TECR: variants seen among roughly 807,000 people sequenced by gnomAD.
The protein encoded by TECR is very-long-chain enoyl-CoA reductase.
In TECR, 19 loss-of-function variants were observed where a neutral mutation model predicts 50.6. The ratio of observed to expected loss-of-function variants is 0.38; its 90% CI spans 0.26 to 0.55. TECR has a LOEUF of 0.55. Among genes scored for constraint, TECR ranks in the 20% least tolerant of loss-of-function variants. TECR has a pLI of 0.79. For synonymous variants in TECR, 168 were observed against 163.5 expected, an observed-to-expected ratio of 1.03 and a Z score of -0.21; for missense variants, 313 against 408.3, an observed-to-expected ratio of 0.77 and a Z score of 2.01.
chr19:14,550,618 A>G (rs1442460405), intron 1 of TECR, among the ~76,000 whole-genome samples: 1 of 151,968 alleles, frequency 6.6e-6, no homozygotes, highest in African/African-American at 2.4e-5. Flanking sequence ...TGGGGAGTTG[A>G]GTGTTTGGCC....
intron 1 of TECR, 131 bp from the exon 2 acceptor site, chr19:14,562,394 G>A (rs1168538682): frequency 2.2e-6 from 2 of 921,898 alleles, no homozygotes; most frequent in Admixed American, 2.0e-5. Flanking sequence ...GTGGCAGGCG[G>A]CATGGACTTG....
At chr19:14,530,972 C>T (rs1174354783) in intron 1 of TECR, 4 of 152,180 alleles carry the variant, frequency 2.6e-5, no homozygotes, top group Non-Finnish European at 4.4e-5. Flanking sequence ...AGCCACCATT[C>T]TACTCAGCCA....
intron 11 of TECR, 56 bp from the exon 12 acceptor site, chr19:14,565,562 A>G (rs2074054572): frequency 6.3e-7 from 1 of 1,578,600 alleles, no homozygotes; most frequent in African/African-American, 1.3e-5. Context: ...AGTCCAGGAC[A>G]GCCACATACA....
Position 14,563,344 on chromosome 19 carries a change from C to T in TECR, c.118+87C>T. Reference sequence around the variant, plus strand: ...GAGGGATCCCATCCTGCACCCCTCTCCCAGGGGCCTGCAGAGATGCCCCAG... The same window carrying T: ...GAGGGATCCCATCCTGCACCCCTCTTCCAGGGGCCTGCAGAGATGCCCCAG... On this transcript the variant is annotated intron_variant, in intron 3 of 12. Coordinates refer to ENST00000215567, the MANE Select transcript of TECR (RefSeq NM_138501.6). The surrounding 1 kb of genome is among the most constrained non-coding windows in gnomAD (Gnocchi z 5.3). 2.3e-6 allele frequency: 3 copies of T among 1,296,234 alleles called. No individual in the cohort carries two copies. The highest frequency in any genetic ancestry group is 3.3e-6 in the Non-Finnish European group (3 of 897,450). The allele number at this position is 1,296,234 out of a possible 1,614,324, so 80.3% of individuals were successfully genotyped here.
At chr19:14,558,722 C>A (rs1179806829) in intron 1 of TECR, among the ~76,000 whole-genome samples, 14 of 152,192 alleles carry the variant, frequency 9.2e-5, no homozygotes, top group Admixed American at 9.2e-4. Context: ...TAGCCCCCCT[C>A]CCACAGGTAT....
upstream of TECR, chr19:14,529,403 T>A (rs144552831): frequency 1.7e-6 from 1 of 575,844 alleles, no homozygotes; most frequent in African/African-American, 1.9e-5. Flanking sequence ...AAGCCCCTTC[T>A]CTTTAGCCCC....
chr19:14,544,796 C>G (rs35198415), intron 1 of TECR, among the ~76,000 whole-genome samples: 30,530 of 151,870 alleles, frequency 0.2, 3,424 homozygotes, highest in African/African-American at 0.3. Context: ...TCACGCCCGG[C>G]TAATTTGAAA....
chr19:14,562,721 T>A, intron 2 of TECR, 146 bp downstream of exon 2: 1 of 911,786 alleles, frequency 1.1e-6, no homozygotes, highest in Non-Finnish European at 1.8e-6. Context: ...GTAGGGTGGA[T>A]AGCCATGTCC....
chr19:14,535,226 G>A (rs1364441231), intron 1 of TECR, among the ~76,000 whole-genome samples: 3 of 151,668 alleles, frequency 2.0e-5, no homozygotes, highest in Non-Finnish European at 4.4e-5. Flanking sequence ...TATAAAAATT[G>A]GCCGGGTGCA....
At chr19:14,557,261 C>T (rs1336193065) in intron 1 of TECR, among the ~76,000 whole-genome samples, 2 of 151,460 alleles carry the variant, frequency 1.3e-5, no homozygotes, top group Non-Finnish European at 2.9e-5. Flanking sequence ...CTGACTCAAC[C>T]TCCTGAGTAG....
At chr19:14,533,788 G>T (rs1284395969) in intron 1 of TECR, 1 of 152,202 alleles carries the variant, frequency 6.6e-6, no homozygotes. Flanking sequence ...TCCAGGCCTT[G>T]GCTGAAGCCG....
In TECR at chr19:14,557,956, C is replaced by T. The variant is rs544051776; in HGVS notation, c.16-4569C>T. Among the ~76,000 whole-genome samples the T allele has an allele frequency of 1.2e-4, 18 of 151,456 alleles. No individual in the cohort carries two copies. The East Asian group carries it at 3.1e-3, about 26-fold the overall frequency. On this transcript the variant is annotated intron_variant, in intron 1 of 12. Transcript: ENST00000215567. ...ATTTTTAGTAGAGATGGGGTTTCAC[C>T]GTGTTAGCCAGGATGGTCTCGATCT...
At position 14,541,085 on chromosome 19, in the gene TECR, C is replaced by T. The variant is rs1342160893; in HGVS notation, c.15+11374C>T. Among the ~76,000 whole-genome samples, 9 of 152,260 alleles carry T rather than the reference C, an allele frequency of 5.9e-5. 2 individuals carry two copies. The highest frequency in any genetic ancestry group is 3.9e-4 in the East Asian group (2 of 5,184). On this transcript the variant is annotated intron_variant, in intron 1 of 12. Transcript: ENST00000215567. ...AAGTGATCTGCCCAACTTGGCCTCCCGAAGTGCTGGGATTACAGGTGTGAG... is the reference window on the plus strand; with the variant it reads ...AAGTGATCTGCCCAACTTGGCCTCCTGAAGTGCTGGGATTACAGGTGTGAG...
intron 1 of TECR, among the ~76,000 whole-genome samples, chr19:14,537,272 A>G (rs934087812): frequency 4.4e-4 from 2 of 4,570 alleles, no homozygotes; most frequent in East Asian, 7.8e-3. Flanking sequence ...GGGACCAGGG[A>G]GGGGGAGGCG....
At chr19:14,535,368 TGTG>T (rs2072824820) in intron 1 of TECR, among the ~76,000 whole-genome samples, 1 of 149,080 alleles carries the variant, frequency 6.7e-6, no homozygotes, top group African/African-American at 2.5e-5. Flanking sequence ...GTTAGCTGAG[TGTG>T]GTGGTGGGTA....
chr19:14,554,241 C>T (rs2073640637), intron 1 of TECR, among the ~76,000 whole-genome samples: 1 of 152,184 alleles, frequency 6.6e-6, no homozygotes, highest in Non-Finnish European at 1.5e-5. Context: ...GAAGCTGTGG[C>T]AGTTCCAGCC....
In TECR at chr19:14,562,584, G is replaced by A. The variant is rs1328300318; in HGVS notation, c.66+9G>A. ...TGTGTTTCTTGGACAAGGTAGGACT[G>A]GGGCGTGGGCTGCACTGGGCCAAGG... is the stretch of plus-strand genomic sequence containing the variant. On this transcript the variant is annotated intron_variant, in intron 2 of 12. Coordinates refer to ENST00000215567, the MANE Select transcript of TECR (RefSeq NM_138501.6). 1 of 1,614,058 alleles carries A rather than the reference G, an allele frequency of 6.2e-7. No homozygotes were observed. Among genetic ancestry groups the A allele is most frequent in the Non-Finnish European group, 8.5e-7 (1 of 1,180,028 alleles).
chr19:14,564,056 C>T lies in TECR; in HGVS notation c.342C>T (p.Gly114=). ...LFYFRVPFIY[G]HKYDFTSSRH... ...ACTTCCGAGTGCCCTTCATCTATGG[C>T]CACAAATATGACTTTACGTCCAGTC... Residue 114 remains glycine, a synonymous_variant, in exon 6 of 13, where the codon GGC becomes GGT. Transcript: ENST00000215567. 6.2e-7 allele frequency: 1 copy of T among 1,613,796 alleles called. No individual in the cohort carries two copies. The highest frequency in any genetic ancestry group is 2.2e-5 in the East Asian group (1 of 44,880).
Position 14,565,087 on chromosome 19 carries a change from T to C in TECR, c.628T>C (p.Ser210Pro). ...IFVICQLGNF[S>P]IHMALRDLRP... is the part of the protein sequence containing the mutation. ...ACAGATCTGCCAGCTCGGCAACTTC[T>C]CCATCCACATGGCCCTGCGGGACCT... Residue 210 changes from serine (S) to proline (P), a missense_variant, in exon 10 of 13, where the codon TCC becomes CCC. Physicochemically the swap from Ser to Pro is moderately conservative, Grantham distance 74. Coordinates refer to ENST00000215567, the MANE Select transcript of TECR (RefSeq NM_138501.6). 1 of 1,613,846 alleles carries C rather than the reference T, an allele frequency of 6.2e-7. No homozygotes were observed. Among genetic ancestry groups the C allele is most frequent in the Admixed American group, 1.7e-5 (1 of 60,028 alleles).
Sources: gnomAD v4.1 joint callset for allele counts (sites outside exome capture counted in the v4.1 genomes callset) on GRCh38, gnomAD v4.1.1 for gene constraint, Gnocchi (gnomAD v3.1) non-coding constraint, MANE v1.5 for transcripts, NCBI Gene and HGNC (gene_info 2026-07-23, HGNC 2026-07-21) for gene names.